CADM2: variants seen among roughly 807,000 people sequenced by gnomAD.
CADM2 encodes immunoglobulin superfamily member 4D.
In CADM2, 12 loss-of-function variants were observed where a neutral mutation model predicts 49.8. The observed-to-expected ratio is 0.24, with a 90% CI of 0.15 to 0.39. CADM2 has a LOEUF of 0.39. Among genes scored for constraint, CADM2 ranks in the 10% least tolerant of loss-of-function variants. CADM2 has a pLI of 1.00. For missense variants in CADM2, 378 were observed against 492.3 expected (o/e 0.77, Z 2.20); for synonymous variants, 214 against 175.4 (o/e 1.22, Z -1.74).
chr3:85,437,515 G>A (rs1327023933), intron 1 of CADM2, among the ~76,000 whole-genome samples: 1 of 152,028 alleles, frequency 6.6e-6, no homozygotes, highest in African/African-American at 2.4e-5. Flanking sequence ...CAGCATTTTG[G>A]TGTTTCAGTG....
chr3:85,684,460 G>C (rs2066142297), intron 1 of CADM2, among the ~76,000 whole-genome samples: 1 of 152,188 alleles, frequency 6.6e-6, no homozygotes, highest in Non-Finnish European at 1.5e-5. Context: ...GAGAGAGAGA[G>C]AGAGAGGGAG....
At chr3:85,813,977 C>A (rs2073046484) in intron 3 of CADM2, among the ~76,000 whole-genome samples, 1 of 152,066 alleles carries the variant, frequency 6.6e-6, no homozygotes, top group South Asian at 2.1e-4. Flanking sequence ...TAGTGTGATG[C>A]CTCCAGCTTT....
At chr3:85,237,016 A>C (rs147833172) in intron 1 of CADM2, among the ~76,000 whole-genome samples, 1 of 152,064 alleles carries the variant, frequency 6.6e-6, no homozygotes, top group Non-Finnish European at 1.5e-5. Context: ...ATAATTGTGG[A>C]TATTTATTAA....
At chr3:85,990,044 A>G (rs1264922446) in intron 8 of CADM2, among the ~76,000 whole-genome samples, 2 of 141,610 alleles carry the variant, frequency 1.4e-5, no homozygotes, top group African/African-American at 5.5e-5. Context: ...AAAAAAAAAA[A>G]GAAGACTAAT....
intron 5 of CADM2, among the ~76,000 whole-genome samples, chr3:85,898,045 T>A (rs1715494624): frequency 1.3e-5 from 2 of 152,062 alleles, no homozygotes; most frequent in African/African-American, 4.8e-5. Context: ...GAAAAAAAAA[T>A]TAATAGCATT....
chr3:85,058,486 C>T (rs2036178469), intron 1 of CADM2, among the ~76,000 whole-genome samples: 2 of 151,618 alleles, frequency 1.3e-5, no homozygotes, highest in Non-Finnish European at 2.9e-5. Context: ...CTCTTGTCGC[C>T]CAGGCTAGAG....
intron 1 of CADM2, among the ~76,000 whole-genome samples, chr3:85,392,608 A>T (rs2107401943): frequency 6.6e-6 from 1 of 152,210 alleles, no homozygotes; most frequent in African/African-American, 2.4e-5. Context: ...TTAGATTTTT[A>T]AAGCAGCACT....
At chr3:85,908,700 G>T (rs1399257339) in intron 5 of CADM2, among the ~76,000 whole-genome samples, 1 of 149,970 alleles carries the variant, frequency 6.7e-6, no homozygotes. Flanking sequence ...CCACTCAATT[G>T]TAATTATTAT....
intron 1 of CADM2, among the ~76,000 whole-genome samples, chr3:85,594,001 G>A (rs1398441053): frequency 6.6e-6 from 1 of 151,768 alleles, no homozygotes; most frequent in African/African-American, 2.4e-5. Flanking sequence ...AAAAAAAAAG[G>A]TAAAGCAGAT....
intron 1 of CADM2, among the ~76,000 whole-genome samples, chr3:85,428,680 CAT>C (rs112249345): frequency 0.042 from 6,006 of 143,184 alleles, 185 homozygotes; most frequent in Non-Finnish European, 0.057. Flanking sequence ...TATAATATAT[CAT>C]ATATATATAT....
At chr3:85,640,005 C>T (rs1382508826) in intron 1 of CADM2, among the ~76,000 whole-genome samples, 1 of 151,844 alleles carries the variant, frequency 6.6e-6, no homozygotes, top group African/African-American at 2.4e-5. Context: ...CATTTTTTTC[C>T]TTCATCACTT....
At chr3:85,018,298 C>T (rs921487084) in intron 1 of CADM2, among the ~76,000 whole-genome samples, 2 of 152,064 alleles carry the variant, frequency 1.3e-5, no homozygotes, top group East Asian at 1.9e-4. Context: ...TCTTTATCCA[C>T]GAAAATGGAG....
At chr3:85,592,651 G>A (rs1040232319) in intron 1 of CADM2, among the ~76,000 whole-genome samples, 7 of 151,744 alleles carry the variant, frequency 4.6e-5, no homozygotes, top group African/African-American at 1.7e-4. Context: ...ATGAATTTAG[G>A]TAAGAAATAT....
At chr3:85,972,856 G>A (rs944619202) in intron 8 of CADM2, among the ~76,000 whole-genome samples, 1 of 151,694 alleles carries the variant, frequency 6.6e-6, no homozygotes, top group Non-Finnish European at 1.5e-5. Flanking sequence ...ATAACAAAAT[G>A]TGGTGGCATT....
chr3:85,863,767 A>G (rs2075624030), intron 3 of CADM2, among the ~76,000 whole-genome samples: 1 of 152,218 alleles, frequency 6.6e-6, no homozygotes, highest in Admixed American at 6.5e-5. Context: ...AAAAACCCCT[A>G]AACAGCACTT....
intron 1 of CADM2, among the ~76,000 whole-genome samples, chr3:85,449,083 A>ATAATAATTATT (rs59973385): frequency 1.1e-4 from 16 of 148,230 alleles, no homozygotes; most frequent in East Asian, 2.0e-4. Flanking sequence ...TAATGATAAA[A>ATAATAATTATT]ATTATATAAT....
chr3:85,295,492 G>A (rs1393075967), intron 1 of CADM2, among the ~76,000 whole-genome samples: 13 of 152,184 alleles, frequency 8.5e-5, no homozygotes, highest in African/African-American at 3.1e-4. Context: ...ACGTGCACAT[G>A]TATGTTTATT....
intron 2 of CADM2, among the ~76,000 whole-genome samples, chr3:85,784,251 T>A (rs1268837082): frequency 6.6e-6 from 1 of 152,228 alleles, no homozygotes; most frequent in African/African-American, 2.4e-5. Flanking sequence ...CTTCCGATGA[T>A]TTATTTATTA....
chr3:86,058,378 G>T (rs528011885), intron 8 of CADM2, among the ~76,000 whole-genome samples: 1 of 150,592 alleles, frequency 6.6e-6, no homozygotes, highest in Non-Finnish European at 1.5e-5. Flanking sequence ...TGCTTCCTTT[G>T]TGTCAGACAT....
Sources: allele counts gnomAD v4.1 joint callset (sites outside exome capture counted in the v4.1 genomes callset), GRCh38; gene constraint gnomAD v4.1.1; transcripts MANE v1.5; gene names NCBI Gene and HGNC (gene_info 2026-07-23, HGNC 2026-07-21).